Variants in PDE4D observed in about 807,000 individuals in gnomAD.
PDE4D encodes the protein phosphodiesterase 4D.
PDE4D carries 24 observed loss-of-function variants against 87.4 expected under a neutral mutation model. That is an observed-to-expected ratio of 0.27 (90% confidence interval 0.20 to 0.39). The LOEUF (loss-of-function observed/expected upper bound fraction) is 0.39, where lower values mean the gene tolerates loss of function less well. Among genes scored for constraint, PDE4D ranks in the 10% least tolerant of loss-of-function variants. The probability of loss-of-function intolerance (pLI) is 1.00; values close to 1 mark genes in which losing one functional copy is unlikely to be tolerated. For missense variants in PDE4D, 714 were observed against 1,041.0 expected (o/e 0.69, Z 4.32); for synonymous variants, 384 against 383.2 (o/e 1.00, Z -0.02).
At chr5:60,102,420 T>C (rs1776316899) in intron 2 of PDE4D, among the ~76,000 whole-genome samples, 1 of 152,166 alleles carries the variant, frequency 6.6e-6, no homozygotes, top group Non-Finnish European at 1.5e-5. Flanking sequence ...TACCCACTGC[T>C]GGCAATATGA....
chr5:60,157,819 T>C (rs1294566866), intron 2 of PDE4D, among the ~76,000 whole-genome samples: 1 of 152,194 alleles, frequency 6.6e-6, no homozygotes, highest in African/African-American at 2.4e-5. Flanking sequence ...TGTGATATTA[T>C]TTAAATACAA....
At position 59,561,449 on chromosome 5, in the gene PDE4D, T is replaced by G. The variant is rs1412316255; in HGVS notation, c.455+331719A>C. ...ACCTGTCTAAAGTTTCTTGTCTTAG[T>G]AAAGCAAGTCACCGCTTCCAGATTT... is the stretch of plus-strand genomic sequence containing the variant. On this transcript the variant is annotated intron_variant, in intron 1 of 14. Transcript: ENST00000340635. 3.3e-5 allele frequency among the ~76,000 whole-genome samples: 5 copies of G among 152,344 alleles called. No homozygotes were observed. In the East Asian group the frequency reaches 7.7e-4, roughly 23 times the overall value.
At chr5:60,098,879 C>T (rs556891799) in intron 2 of PDE4D, among the ~76,000 whole-genome samples, 2 of 152,120 alleles carry the variant, frequency 1.3e-5, no homozygotes, top group East Asian at 1.9e-4. Flanking sequence ...GGCTTTACAA[C>T]ATGAGTATGA....
intron 2 of PDE4D, among the ~76,000 whole-genome samples, chr5:60,082,089 G>T (rs1774024074): frequency 6.6e-6 from 1 of 152,016 alleles, no homozygotes; most frequent in Non-Finnish European, 1.5e-5. Context: ...TCTCTGAAAG[G>T]GACATTTCCT....
At chr5:60,109,527 C>T (rs367940252) in intron 2 of PDE4D, among the ~76,000 whole-genome samples, 2 of 150,788 alleles carry the variant, frequency 1.3e-5, no homozygotes, top group Non-Finnish European at 3.0e-5. Flanking sequence ...ACCCAAAGGA[C>T]TATAAATCAT....
chr5:60,278,907 T>C (rs1476912490), intron 1 of PDE4D, among the ~76,000 whole-genome samples: 1 of 152,234 alleles, frequency 6.6e-6, no homozygotes, highest in Non-Finnish European at 1.5e-5. Context: ...TGTTGGTATC[T>C]ATTAATTGCA....
At chr5:59,824,452 T>C (rs189478741) in intron 1 of PDE4D, among the ~76,000 whole-genome samples, 4 of 152,190 alleles carry the variant, frequency 2.6e-5, no homozygotes, top group Non-Finnish European at 5.9e-5. Flanking sequence ...GCATCCCTTA[T>C]GTTTATAGAA....
intron 2 of PDE4D, chr5:60,021,971 C>T (rs547989095): frequency 2.1e-4 from 32 of 152,250 alleles, no homozygotes; most frequent in African/African-American, 7.5e-4. Flanking sequence ...ACTTGATCTC[C>T]CAAAGTGCAA....
chr5:59,232,149 A>C (rs1052726484), intron 1 of PDE4D, among the ~76,000 whole-genome samples: 15 of 152,188 alleles, frequency 9.9e-5, no homozygotes, highest in African/African-American at 3.6e-4. Context: ...GCATTGCAAC[A>C]AAAACAAAAA....
At chr5:60,109,491 C>T (rs1340801145) in intron 2 of PDE4D, among the ~76,000 whole-genome samples, 1 of 150,616 alleles carries the variant, frequency 6.6e-6, no homozygotes, top group Non-Finnish European at 1.5e-5. Context: ...TACCATTTGA[C>T]CCAGCCATCC....
chr5:59,359,190 C>T (rs192380764), intron 1 of PDE4D, among the ~76,000 whole-genome samples: 162 of 152,238 alleles, frequency 1.1e-3, no homozygotes, highest in Non-Finnish European at 1.6e-3. Context: ...TTGTCTTTTT[C>T]ATTACTGTCA....
chr5:60,245,248 A>ATC (rs1747626271), intron 1 of PDE4D, among the ~76,000 whole-genome samples: 1 of 151,930 alleles, frequency 6.6e-6, no homozygotes, highest in African/African-American at 2.4e-5. Flanking sequence ...TCTCACTCTC[A>ATC]TTAAAATGGC....
chr5:59,609,968 G>T (rs927598827), intron 1 of PDE4D, among the ~76,000 whole-genome samples: 1 of 152,164 alleles, frequency 6.6e-6, no homozygotes. Flanking sequence ...CAGCACAGCT[G>T]TTGGCTTCCC....
At chr5:60,445,904 A>C in intron 1 of PDE4D, among the ~76,000 whole-genome samples, 1 of 152,178 alleles carries the variant, frequency 6.6e-6, no homozygotes, top group East Asian at 1.9e-4. Flanking sequence ...CTTGGAAAAA[A>C]ATATTTACAT....
intron 2 of PDE4D, among the ~76,000 whole-genome samples, chr5:60,031,580 C>T (rs1401304119): frequency 6.6e-6 from 1 of 152,180 alleles, no homozygotes; most frequent in Non-Finnish European, 1.5e-5. Context: ...AGATGTCAGT[C>T]AGCTAGCCCT....
intron 5 of PDE4D, among the ~76,000 whole-genome samples, chr5:59,112,598 T>C (rs1772854695): frequency 1.3e-5 from 2 of 152,212 alleles, no homozygotes; most frequent in African/African-American, 4.8e-5. Flanking sequence ...GGAGTTCTAA[T>C]GTATTAGATA....
chr5:59,684,510 C>T (rs1241235138), intron 1 of PDE4D, among the ~76,000 whole-genome samples: 1 of 151,970 alleles, frequency 6.6e-6, no homozygotes, highest in African/African-American at 2.4e-5. Flanking sequence ...ACAGAGTAAC[C>T]TTCATGAAGG....
chr5:59,929,077 T>A (rs1755604469), intron 3 of PDE4D, among the ~76,000 whole-genome samples: 6 of 152,018 alleles, frequency 3.9e-5, no homozygotes, highest in Admixed American at 3.9e-4. Context: ...AATATATGTG[T>A]GTGTGTGTTA....
At chr5:59,768,768 C>G (rs555734764) in intron 1 of PDE4D, 1 of 788,114 alleles carries the variant, frequency 1.3e-6, no homozygotes, top group Non-Finnish European at 1.9e-6. Context: ...AGCAAATGAA[C>G]AAGGAGGGAA....
Sources: allele counts gnomAD v4.1 joint callset (sites outside exome capture counted in the v4.1 genomes callset), GRCh38; gene constraint gnomAD v4.1.1; transcripts MANE v1.5; gene names NCBI Gene and HGNC (gene_info 2026-07-23, HGNC 2026-07-21).